The following SUCLG2 variants were observed in gnomAD, a reference collection of about 807,000 sequenced individuals.
SUCLG2 encodes the protein succinate-CoA ligase GDP-forming subunit beta.
A neutral mutation model predicts 47.9 loss-of-function variants in SUCLG2; 42 were observed. The ratio of observed to expected loss-of-function variants is 0.88; its 90% CI spans 0.69 to 1.14. The LOEUF (loss-of-function observed/expected upper bound fraction) is 1.14, where lower values mean the gene tolerates loss of function less well. SUCLG2 is among the 50% of genes most tolerant of loss of function. The pLI, the probability that SUCLG2 is intolerant of heterozygous loss-of-function variation, is 0.00. For synonymous variants in SUCLG2, 195 were observed against 197.3 expected (o/e 0.99, Z 0.10); for missense variants, 571 against 525.9 (o/e 1.09, Z -0.84).
intron 2 of SUCLG2, among the ~76,000 whole-genome samples, chr3:67,555,892 A>C (rs902801447): frequency 3.3e-5 from 5 of 152,190 alleles, no homozygotes; most frequent in African/African-American, 1.2e-4. Context: ...AAAAATGTCA[A>C]ATCTAAGGTG....
chr3:67,469,466 A>G (rs1458078591), intron 9 of SUCLG2, among the ~76,000 whole-genome samples: 1 of 152,220 alleles, frequency 6.6e-6, no homozygotes, highest in African/African-American at 2.4e-5. Flanking sequence ...GCGGTGGCTC[A>G]CGCCTGTAAT....
chr3:67,520,343 A>G, intron 5 of SUCLG2, 139 bp downstream of exon 5: 1 of 1,249,990 alleles, frequency 8.0e-7, no homozygotes, highest in Non-Finnish European at 1.1e-6. Flanking sequence ...ATACCCAGAA[A>G]GAAAAAGGGC....
At chr3:67,528,052 T>C (rs1706301603) in intron 4 of SUCLG2, 80 bp downstream of exon 4, 3 of 1,279,134 alleles carry the variant, frequency 2.3e-6, no homozygotes, top group South Asian at 2.6e-5. Flanking sequence ...CTTCATTAGA[T>C]TCTGTCAAAA....
chr3:67,642,020 G>T (rs905572234), intron 1 of SUCLG2, among the ~76,000 whole-genome samples: 9 of 152,240 alleles, frequency 5.9e-5, no homozygotes, highest in African/African-American at 1.7e-4. Flanking sequence ...TTGAATTAGG[G>T]CCCTCCCTAA....
intron 2 of SUCLG2, among the ~76,000 whole-genome samples, chr3:67,544,251 A>T (rs1706801855): frequency 1.3e-5 from 2 of 152,186 alleles, no homozygotes; most frequent in African/African-American, 2.4e-5. Flanking sequence ...AAAGGACGGA[A>T]GAACTATTGA....
At chr3:67,400,426 G>C (rs1349693183) in intron 10 of SUCLG2, among the ~76,000 whole-genome samples, 8 of 152,070 alleles carry the variant, frequency 5.3e-5, no homozygotes, top group Non-Finnish European at 8.8e-5. Flanking sequence ...GATTCTCAGA[G>C]AAACATTTCT....
chr3:67,461,332 G>T (rs567245603), intron 9 of SUCLG2, among the ~76,000 whole-genome samples: 2 of 152,200 alleles, frequency 1.3e-5, no homozygotes, highest in South Asian at 2.1e-4. Flanking sequence ...AAATCTGCTT[G>T]AAGTCTTGAA....
At chr3:67,369,888 T>C (rs1184231075), downstream of SUCLG2, among the ~76,000 whole-genome samples, 1 of 152,212 alleles carries the variant, frequency 6.6e-6, no homozygotes, top group Non-Finnish European at 1.5e-5. Flanking sequence ...GCTGTTAATC[T>C]GTACTAAAAA....
intron 7 of SUCLG2, among the ~76,000 whole-genome samples, chr3:67,503,619 A>G (rs912636325): frequency 6.6e-6 from 1 of 152,246 alleles, no homozygotes; most frequent in Admixed American, 6.5e-5. Flanking sequence ...TCAACGTCAC[A>G]TTAATGAAAC....
chr3:67,498,461 G>A (rs1705410235), intron 7 of SUCLG2, among the ~76,000 whole-genome samples, 166 bp from the exon 8 acceptor site: 1 of 152,138 alleles, frequency 6.6e-6, no homozygotes, highest in Non-Finnish European at 1.5e-5. Flanking sequence ...TTAAATTTTA[G>A]GGTTTGGTCC....
At chr3:67,403,143 T>C (rs1347237656) in intron 9 of SUCLG2, among the ~76,000 whole-genome samples, 1 of 152,206 alleles carries the variant, frequency 6.6e-6, no homozygotes, top group African/African-American at 2.4e-5. Context: ...CGGTTAAAAT[T>C]TAACTACTTT....
rs911963760 is a variant in SUCLG2, at chr3:67,410,173, A to G, written c.1063-9322T>C. On this transcript the variant is annotated intron_variant, in intron 9 of 10. Coordinates refer to ENST00000307227, the MANE Select transcript of SUCLG2 (RefSeq NM_003848.4). ...GCTGGTATGTTTGTGGTTAGGTGGC[A>G]CAGAGATCTATGGTCCTTCTTTACA... 2.0e-5 allele frequency among the ~76,000 whole-genome samples: 3 copies of G among 152,200 alleles called. No individual in the cohort carries two copies. In the South Asian group the frequency reaches 6.2e-4, roughly 31 times the overall value.
At chr3:67,396,535 T>G (rs1335987640) in intron 10 of SUCLG2, among the ~76,000 whole-genome samples, 1 of 152,106 alleles carries the variant, frequency 6.6e-6, no homozygotes, top group Non-Finnish European at 1.5e-5. Context: ...AATCAATAGC[T>G]TACCAACCAT....
At chr3:67,476,265 G>C (rs1020538030) in intron 9 of SUCLG2, among the ~76,000 whole-genome samples, 1 of 151,984 alleles carries the variant, frequency 6.6e-6, no homozygotes, top group African/African-American at 2.4e-5. Flanking sequence ...AGCTTCATCT[G>C]TATGTACAGC....
At chr3:67,392,892 G>A (rs1308948273) in intron 10 of SUCLG2, among the ~76,000 whole-genome samples, 1 of 151,944 alleles carries the variant, frequency 6.6e-6, no homozygotes, top group Non-Finnish European at 1.5e-5. Flanking sequence ...ATAGCTTGCT[G>A]CAGCCTTGAA....
intron 2 of SUCLG2, among the ~76,000 whole-genome samples, chr3:67,536,751 T>C (rs1319353932): frequency 6.6e-6 from 1 of 152,188 alleles, no homozygotes; most frequent in Non-Finnish European, 1.5e-5. Context: ...GGGCAACTTA[T>C]TTCATACAGC....
In SUCLG2 at chr3:67,626,025, T is replaced by TATACA. The variant is rs55738024; in HGVS notation, c.85-16430_85-16429insTGTAT. Among the ~76,000 whole-genome samples, 610 of 69,538 alleles carry TATACA rather than the reference T, an allele frequency of 8.8e-3. 3 individuals carry two copies. Among genetic ancestry groups the TATACA allele is most frequent in the African/African-American group, 0.022 (468 of 21,162 alleles). 45.6% of individuals were successfully genotyped at this position (69,538 alleles called of 152,430 possible). A position where few individuals can be genotyped will look rare whatever the true frequency, so the allele number is the denominator to read the frequency against. On this transcript the variant is annotated intron_variant, in intron 1 of 10. Coordinates refer to ENST00000307227, the MANE Select transcript of SUCLG2 (RefSeq NM_003848.4). Reference sequence around the variant, plus strand: ...GTAGCTACATATATATATATTTACATTTTTTTTTTTTTTGAGATGAGTCTC... The same window carrying TATACA: ...GTAGCTACATATATATATATTTACATATACATTTTTTTTTTTTTGAGATGAGTCTC...
chr3:67,646,767 C>T (rs949765834), intron 1 of SUCLG2, among the ~76,000 whole-genome samples: 1 of 152,076 alleles, frequency 6.6e-6, no homozygotes, highest in Non-Finnish European at 1.5e-5. Flanking sequence ...TCACGGTGTA[C>T]GTCTAGTATC....
chr3:67,514,240 G>T (rs2107113196), intron 6 of SUCLG2: 1 of 410,644 alleles, frequency 2.4e-6, no homozygotes, highest in South Asian at 2.2e-5. Context: ...CTTCTGGTAT[G>T]ATGTATTCAA....
Sources: gnomAD v4.1 joint callset for allele counts (sites outside exome capture counted in the v4.1 genomes callset) on GRCh38, gnomAD v4.1.1 for gene constraint, MANE v1.5 for transcripts, NCBI Gene and HGNC (gene_info 2026-07-23, HGNC 2026-07-21) for gene names.